The following ULK4 variants were observed in gnomAD, a reference collection of about 807,000 sequenced individuals.
The protein encoded by ULK4 is inactive serine/threonine-protein kinase ULK4.
ULK4 carries 133 observed loss-of-function variants against 160.6 expected under a neutral mutation model. The ratio of observed to expected loss-of-function variants is 0.83; its 90% CI spans 0.72 to 0.96. The LOEUF (loss-of-function observed/expected upper bound fraction) is 0.96, where lower values mean the gene tolerates loss of function less well. Among genes scored for constraint, ULK4 ranks in the 40% least tolerant of loss-of-function variants. The pLI is 0.00. For synonymous variants in ULK4, 534 were observed against 539.8 expected (o/e 0.99, Z 0.15); for missense variants, 1,580 against 1,499.5 (o/e 1.05, Z -0.89).
chr3:41,868,154 T>A (rs1318408828), intron 17 of ULK4, among the ~76,000 whole-genome samples: 1 of 152,200 alleles, frequency 6.6e-6, no homozygotes, highest in Non-Finnish European at 1.5e-5. Context: ...AAATCTTCCA[T>A]GTTCTCACAT....
At chr3:41,593,511 G>A (rs1338687066) in intron 31 of ULK4, among the ~76,000 whole-genome samples, 4 of 152,078 alleles carry the variant, frequency 2.6e-5, no homozygotes, top group South Asian at 2.1e-4. Context: ...TGAAATTCAC[G>A]GATGCTGGAA....
intron 20 of ULK4, among the ~76,000 whole-genome samples, chr3:41,793,244 T>C (rs1368556059): frequency 6.6e-6 from 1 of 152,168 alleles, no homozygotes; most frequent in Non-Finnish European, 1.5e-5. Context: ...CTGTTCCAGT[T>C]CAAAATTCAC....
chr3:41,478,349 C>A (rs1034605314), intron 32 of ULK4, among the ~76,000 whole-genome samples: 2 of 143,086 alleles, frequency 1.4e-5, no homozygotes, highest in Non-Finnish European at 1.5e-5. Context: ...TGTTTTCTTT[C>A]AAAAATCTGG....
Position 41,662,295 on chromosome 3 carries a change from G to A in ULK4, c.3071+1312C>T, listed in dbSNP as rs184050698. Among the ~76,000 whole-genome samples the A allele has an allele frequency of 8.5e-5, 13 of 152,276 alleles. 1 individual carries two copies. Among genetic ancestry groups the A allele is most frequent in the East Asian group, 3.9e-4 (2 of 5,184 alleles). On this transcript the variant is annotated intron_variant, in intron 30 of 36. Transcript: ENST00000301831. Reference sequence around the variant, plus strand: ...AAAGGGTATTAACTTAGGGCTCCCCGGATTCTTTTGCAACATGGCTCAGAA... The same window carrying A: ...AAAGGGTATTAACTTAGGGCTCCCCAGATTCTTTTGCAACATGGCTCAGAA...
At chr3:41,771,244 GTTAA>G (rs1247100055) in intron 21 of ULK4, among the ~76,000 whole-genome samples, 1 of 152,142 alleles carries the variant, frequency 6.6e-6, no homozygotes, top group African/African-American at 2.4e-5. Context: ...ATGTTCAAAA[GTTAA>G]TTAGTTTAAT....
rs185521841 is a variant in ULK4 at position 41,853,497 on chromosome 3, G to C, written c.1657-17526C>G. ...ATGCTAAATCATAAACAAGACCTAAGGCCATGCTAGGCAAGGGTTAGATCA... is the reference window on the plus strand; with the variant it reads ...ATGCTAAATCATAAACAAGACCTAACGCCATGCTAGGCAAGGGTTAGATCA... On this transcript the variant is annotated intron_variant, in intron 17 of 36. Transcript: ENST00000301831. Among the ~76,000 whole-genome samples the C allele has an allele frequency of 3.6e-4, 55 of 152,250 alleles. No homozygotes were observed. The East Asian group carries it at 0.01, about 28-fold the overall frequency.
chr3:41,924,188 C>A (rs1699296031), intron 5 of ULK4, among the ~76,000 whole-genome samples: 1 of 152,166 alleles, frequency 6.6e-6, no homozygotes, highest in Non-Finnish European at 1.5e-5. Context: ...ATCAACCCCA[C>A]CCCAGTACCC....
At position 41,326,589 on chromosome 3, in the gene ULK4, G is replaced by A. The variant is rs139438255; in HGVS notation, c.3678+71490C>T. 8.7e-3 allele frequency among the ~76,000 whole-genome samples: 1,318 copies of A among 152,250 alleles called. 11 individuals are homozygous for A. Among genetic ancestry groups the A allele is most frequent in the Middle Eastern group, 0.034 (10 of 294 alleles). ...GGAAAAGAAGCTGACAGTCAACAGG[G>A]TAGAAGTCTGGGGATTTCTGAATAA... is the stretch of plus-strand genomic sequence containing the variant. On this transcript the variant is annotated intron_variant, in intron 35 of 36. Transcript: ENST00000301831.
intron 14 of ULK4, among the ~76,000 whole-genome samples, chr3:41,897,494 T>C (rs1192259772): frequency 6.6e-6 from 1 of 152,014 alleles, no homozygotes; most frequent in Non-Finnish European, 1.5e-5. Flanking sequence ...AAAGGCAAAA[T>C]CTAGGAAATG....
intron 12 of ULK4, among the ~76,000 whole-genome samples, chr3:41,902,413 A>G (rs986132914): frequency 6.6e-6 from 1 of 152,066 alleles, no homozygotes; most frequent in African/African-American, 2.4e-5. Context: ...CACCATCTCT[A>G]CTAAAAATAC....
At chr3:41,520,212 C>CA (rs759020509) in intron 32 of ULK4, among the ~76,000 whole-genome samples, 1 of 152,110 alleles carries the variant, frequency 6.6e-6, no homozygotes, top group Non-Finnish European at 1.5e-5. Context: ...TGTACCTCCC[C>CA]ATTCTCCCTC....
At chr3:41,582,614 C>A (rs770494789) in intron 31 of ULK4, among the ~76,000 whole-genome samples, 1 of 152,180 alleles carries the variant, frequency 6.6e-6, no homozygotes, top group East Asian at 1.9e-4. Context: ...TGCTTTCACA[C>A]GGCCCTGTTG....
At chr3:41,615,519 G>A (rs557924246) in intron 31 of ULK4, 150 bp downstream of exon 31, 3 of 636,608 alleles carry the variant, frequency 4.7e-6, no homozygotes, top group Non-Finnish European at 8.0e-6. Flanking sequence ...AGATAAGAAA[G>A]CTGAAGTCCA....
chr3:41,819,431 G>C lies in ULK4; in HGVS notation c.1840C>G (p.Arg614Gly). Residue 614 changes from arginine (R) to glycine (G), a missense_variant, in exon 19 of 37, where the codon CGG becomes GGG. Coordinates refer to ENST00000301831, the MANE Select transcript of ULK4 (RefSeq NM_017886.4). Reference protein sequence around the residue: ...AAYTVLMRCLREGEERVVNHM... With the variant: ...AAYTVLMRCLGEGEERVVNHM... ...CAACAAAGGAGCCTTACCCCTTCCC[G>C]AAGGCACCTCATTAGCACTGTGTAT... The C allele has an allele frequency of 5.0e-6, 8 of 1,613,318 alleles. No homozygotes were observed. The highest frequency in any genetic ancestry group is 5.1e-6 in the Non-Finnish European group (6 of 1,179,772).
chr3:41,941,988 C>T (rs184078939), intron 2 of ULK4, among the ~76,000 whole-genome samples: 7 of 152,096 alleles, frequency 4.6e-5, no homozygotes, highest in African/African-American at 1.4e-4. Context: ...ATACGCCCCA[C>T]GCCTACTCTT....
chr3:41,630,569 C>T (rs576935304), intron 30 of ULK4, among the ~76,000 whole-genome samples: 1 of 152,304 alleles, frequency 6.6e-6, no homozygotes, highest in South Asian at 2.1e-4. Context: ...CCCAGATAAT[C>T]TCCATATTTT....
chr3:41,775,110 T>C (rs973004601), intron 21 of ULK4, among the ~76,000 whole-genome samples: 5 of 147,920 alleles, frequency 3.4e-5, no homozygotes, highest in Admixed American at 6.7e-5. Context: ...TTAGGAGATA[T>C]ACCTAATGCT....
intron 21 of ULK4, among the ~76,000 whole-genome samples, chr3:41,776,556 CTGAGG>C (rs2039632807): frequency 6.6e-6 from 1 of 150,676 alleles, no homozygotes; most frequent in African/African-American, 2.5e-5. Context: ...AAAATGATCT[CTGAGG>C]TAAGTTTAAA....
intron 35 of ULK4, among the ~76,000 whole-genome samples, chr3:41,260,670 T>C (rs562844971): frequency 8.5e-5 from 13 of 152,210 alleles, no homozygotes; most frequent in African/African-American, 2.2e-4. Flanking sequence ...GGGGTAACAG[T>C]TGGAACTCAA....
Sources: gnomAD v4.1 joint callset for allele counts (sites outside exome capture counted in the v4.1 genomes callset) on GRCh38, gnomAD v4.1.1 for gene constraint, MANE v1.5 for transcripts, NCBI Gene and HGNC (gene_info 2026-07-23, HGNC 2026-07-21) for gene names.